PYGL: variants seen among roughly 807,000 people sequenced by gnomAD.
PYGL encodes the protein glycogen phosphorylase, liver form.
A neutral mutation model predicts 100.1 loss-of-function variants in PYGL; 90 were observed. That is an observed-to-expected ratio of 0.90 (90% CI 0.76 to 1.07). The LOEUF (loss-of-function observed/expected upper bound fraction) is 1.07. Ranked by LOEUF, PYGL falls within the 50% of genes least tolerant of loss-of-function variation. The probability of loss-of-function intolerance (pLI) is 0.00; values close to 1 mark genes in which losing one functional copy is unlikely to be tolerated. For synonymous variants in PYGL, 373 were observed against 393.0 expected (o/e 0.95, Z 0.60); for missense variants, 1,016 against 1,057.6 (o/e 0.96, Z 0.55).
rs145887445 is a variant in PYGL at position 50,913,495 on chromosome 14, C to T, written c.1519-365G>A. On this transcript the variant is annotated intron_variant, in intron 12 of 19. Transcript: ENST00000216392. ...CATGCCATTCTCCTGCCTCAGCCTC[C>T]CCAGTAGCTGGGGCTACAGGCGCCT... 8.9e-3 allele frequency: 1,374 copies of T among 155,154 alleles called. 41 individuals are homozygous for T. The highest frequency in any genetic ancestry group is 0.06 in the East Asian group (317 of 5,288). 9.6% of individuals were successfully genotyped at this position (155,154 alleles called of 1,614,324 possible). A position where few individuals can be genotyped will look rare whatever the true frequency, so the allele number is the denominator to read the frequency against.
At chr14:50,911,557 T>G (rs1400967689) in intron 16 of PYGL, among the ~76,000 whole-genome samples, 173 bp downstream of exon 16, 1 of 152,222 alleles carries the variant, frequency 6.6e-6, no homozygotes, top group East Asian at 1.9e-4. Flanking sequence ...GACATCAATT[T>G]CATTGTGACT....
At chr14:50,908,196 A>G (rs1343788425) in intron 19 of PYGL, 75 bp downstream of exon 19, 1 of 1,235,792 alleles carries the variant, frequency 8.1e-7, no homozygotes, top group African/African-American at 1.5e-5. Context: ...TGATATTTGC[A>G]TTTAATTAAA....
At chr14:50,908,979 G>T in intron 17 of PYGL, 24 bp from the exon 18 acceptor site, 1 of 1,510,934 alleles carries the variant, frequency 6.6e-7, no homozygotes, top group Non-Finnish European at 9.0e-7. Context: ...GTGGGTGGGT[G>T]ATAAAAAAAG....
chr14:50,911,386 C>A (rs373767950), intron 16 of PYGL, among the ~76,000 whole-genome samples: 20 of 152,216 alleles, frequency 1.3e-4, no homozygotes, highest in South Asian at 4.1e-4. Context: ...ATTTGGTGTT[C>A]TCTTGCAAAA....
chr14:50,913,869 G>C (rs1221044274), intron 12 of PYGL, among the ~76,000 whole-genome samples: 1 of 151,796 alleles, frequency 6.6e-6, no homozygotes, highest in Non-Finnish European at 1.5e-5. Flanking sequence ...TTTTATTTTT[G>C]TAGAGACGGG....
At chr14:50,935,683 G>A (rs1261039680) in intron 2 of PYGL, among the ~76,000 whole-genome samples, 1 of 152,174 alleles carries the variant, frequency 6.6e-6, no homozygotes, top group Admixed American at 6.5e-5. Context: ...GATATTAATT[G>A]GACTGAGGGA....
chr14:50,944,315 T>G lies in PYGL; in HGVS notation c.89A>C (p.Lys30Thr). The G allele has an allele frequency of 6.2e-7, 1 of 1,613,980 alleles. No homozygotes were observed. Among genetic ancestry groups the G allele is most frequent in the Non-Finnish European group, 8.5e-7 (1 of 1,179,874 alleles). Residue 30 changes from lysine to threonine, a missense_variant, in exon 1 of 20, where the codon AAG becomes ACG. Transcript: ENST00000216392. ...VGVENVAELK[K>T]SFNRHLHFTL... ...GAAGTGCAGGTGCCGGTTGAAACTC[T>G]TCTTCAGCTCTGCCACGTTCTCCAC... is the stretch of plus-strand genomic sequence containing the variant.
intron 3 of PYGL, among the ~76,000 whole-genome samples, chr14:50,934,434 T>C (rs2050633681): frequency 6.6e-6 from 1 of 152,126 alleles, no homozygotes. Flanking sequence ...CAAATAATAG[T>C]GAAGTAAAGA....
At chr14:50,939,035 T>A (rs78120215) in intron 1 of PYGL, among the ~76,000 whole-genome samples, 6,339 of 152,116 alleles carry the variant, frequency 0.042, 139 homozygotes, top group Middle Eastern at 0.058. Flanking sequence ...TTAATTAATT[T>A]ATTTATTTAT....
At chr14:50,930,743 G>A (rs1330946719) in intron 4 of PYGL, among the ~76,000 whole-genome samples, 1 of 152,030 alleles carries the variant, frequency 6.6e-6, no homozygotes, top group African/African-American at 2.4e-5. Flanking sequence ...TTCTCTTGTT[G>A]GACTCATCTC....
Position 50,930,083 on chromosome 14 carries a change from T to C in PYGL, c.528+1590A>G, listed in dbSNP as rs139153488. On this transcript the variant is annotated intron_variant, in intron 4 of 19. Transcript: ENST00000216392. ...CTTATAACTCTATATCCTCTACTTA[T>C]AGGTAACACAATGATTTCCTATTTT... Among the ~76,000 whole-genome samples the C allele has an allele frequency of 2.8e-3, 424 of 152,286 alleles. 4 individuals carry two copies. The highest frequency in any genetic ancestry group is 6.8e-3 in the Middle Eastern group (2 of 294).
At chr14:50,924,753 C>T (rs10130689) in intron 4 of PYGL, among the ~76,000 whole-genome samples, 25,193 of 152,086 alleles carry the variant, frequency 0.17, 2,749 homozygotes, top group East Asian at 0.44. Context: ...AGGTAATGAA[C>T]TTATTTTATT....
At chr14:50,922,753 CT>C (rs1402260590) in intron 5 of PYGL, among the ~76,000 whole-genome samples, 2 of 152,230 alleles carry the variant, frequency 1.3e-5, no homozygotes, top group African/African-American at 4.8e-5. Context: ...GTCTGAGGCT[CT>C]CCCTGAGAAT....
At chr14:50,916,881 G>C in intron 8 of PYGL, 81 bp downstream of exon 8, 1 of 1,569,848 alleles carries the variant, frequency 6.4e-7, no homozygotes. Context: ...TGTTAGCACT[G>C]AGAGAGAGGA....
At chr14:50,908,049 T>C (rs1596030174) in intron 19 of PYGL, 1 of 362,776 alleles carries the variant, frequency 2.8e-6, no homozygotes, top group Middle Eastern at 8.4e-4. Context: ...AAATTACAAC[T>C]CCTGCTGAAA....
In PYGL at chr14:50,944,314, C is replaced by A; in HGVS notation, c.90G>T (p.Lys30Asn). 1 of 1,614,002 alleles carries A rather than the reference C, an allele frequency of 6.2e-7. No individual in the cohort carries two copies. The highest frequency in any genetic ancestry group is 8.5e-7 in the Non-Finnish European group (1 of 1,179,890). ...TGAAGTGCAGGTGCCGGTTGAAACTCTTCTTCAGCTCTGCCACGTTCTCCA... is the reference window on the plus strand; with the variant it reads ...TGAAGTGCAGGTGCCGGTTGAAACTATTCTTCAGCTCTGCCACGTTCTCCA... ...VGVENVAELK[K>N]SFNRHLHFTL... Residue 30 changes from lysine (K) to asparagine (N), a missense_variant, in exon 1 of 20, where the codon AAG becomes AAT. Transcript: ENST00000216392.
chr14:50,931,884 C>A lies in PYGL; in HGVS notation c.425-108G>T, dbSNP rs942691721. 10 of 852,044 alleles carry A rather than the reference C, an allele frequency of 1.2e-5. No homozygotes were observed. The East Asian group carries it at 1.5e-4, about 12-fold the overall frequency. The allele number at this position is 852,044 out of a possible 1,614,324, so 52.8% of individuals were successfully genotyped here. A position where few individuals can be genotyped will look rare whatever the true frequency, so the allele number is the denominator to read the frequency against. ...CCACAAAACATTGTTATATGAAGAA[C>A]CACATTTGTATTCTAAAGCACAGAT... On this transcript the variant is annotated intron_variant, in intron 3 of 19. Coordinates refer to ENST00000216392, the MANE Select transcript of PYGL (RefSeq NM_002863.5).
Position 50,912,128 on chromosome 14 carries a change from G to A in PYGL, c.1768+28C>T, listed in dbSNP as rs542229699. ...GAGTCTGCTGCTTCCACCTGCAAGG[G>A]GGCTTGTTGGCTACAGGGCTGACTC... On this transcript the variant is annotated intron_variant, in intron 14 of 19. Coordinates refer to ENST00000216392, the MANE Select transcript of PYGL (RefSeq NM_002863.5). 4 of 1,614,204 alleles carry A rather than the reference G, an allele frequency of 2.5e-6. No homozygotes were observed. In the African/African-American group the frequency reaches 4.0e-5, roughly 16 times the overall value.
intron 16 of PYGL, among the ~76,000 whole-genome samples, chr14:50,910,916 A>C (rs986348213): frequency 6.6e-6 from 1 of 152,240 alleles, no homozygotes. Context: ...TACAAAGGTC[A>C]GGACCACTTT....
Sources: allele counts gnomAD v4.1 joint callset (sites outside exome capture counted in the v4.1 genomes callset), GRCh38; gene constraint gnomAD v4.1.1; transcripts MANE v1.5; gene names NCBI Gene and HGNC (gene_info 2026-07-23, HGNC 2026-07-21).